The following ZFP30 variants were observed in gnomAD, a reference collection of about 807,000 sequenced individuals.
ZFP30 encodes ZFP30 zinc finger protein, also known as zinc finger protein 30 homolog.
Under a neutral mutation model 12.3 loss-of-function variants are expected in ZFP30, and 16 were observed. That is an observed-to-expected ratio of 1.30 (90% CI 0.88 to 1.98). The LOEUF (loss-of-function observed/expected upper bound fraction) is 1.98. Ranked by LOEUF, ZFP30 falls within the 30% of genes most tolerant of loss-of-function variation. ZFP30 has a pLI of 0.00. For missense variants in ZFP30, 560 were observed against 611.2 expected, an observed-to-expected ratio of 0.92 and a Z score of 0.88; for synonymous variants, 172 against 201.0, an observed-to-expected ratio of 0.86 and a Z score of 1.22.
chr19:37,641,294 T>A (rs2044430115), intron 5 of ZFP30, among the ~76,000 whole-genome samples: 2 of 152,238 alleles, frequency 1.3e-5, no homozygotes, highest in African/African-American at 4.8e-5. Flanking sequence ...TGTTCTAATA[T>A]TTCACATCGT....
In ZFP30 at chr19:37,633,252, CATT is replaced by C; in HGVS notation, c.*1726_*1728del. 2 of 151,796 alleles carry C rather than the reference CATT, an allele frequency of 1.3e-5. No homozygotes were observed. Among genetic ancestry groups the C allele is most frequent in the East Asian group, 3.9e-4 (2 of 5,160 alleles). 9.4% of individuals were successfully genotyped at this position (151,796 alleles called of 1,614,324 possible). On this transcript the variant is annotated 3_prime_UTR_variant, in exon 6 of 6. Coordinates refer to ENST00000684514, the MANE Select transcript of ZFP30 (RefSeq NM_001320669.3). Reference sequence around the variant, plus strand: ...GTCAACTAAATAAAATGTGGACCTACATTTTAACTTCCTGAATACATTATCGTC... The same window carrying C: ...GTCAACTAAATAAAATGTGGACCTACTTAACTTCCTGAATACATTATCGTC...
At position 37,644,597 on chromosome 19, in the gene ZFP30, A is replaced by G; in HGVS notation, c.136+13T>C. On this transcript the variant is annotated intron_variant, in intron 4 of 5. Coordinates refer to ENST00000684514, the MANE Select transcript of ZFP30 (RefSeq NM_001320669.3). ...AATGTCTAAATTATCTGACACAGAT[A>G]TGCTAGGCTTACCCAGTGACACCAA... 1 of 1,585,882 alleles carries G rather than the reference A, an allele frequency of 6.3e-7. No individual in the cohort carries two copies.
chr19:37,635,273 G>A lies in ZFP30; in HGVS notation c.1268C>T (p.Ser423Leu). Residue 423 changes from serine to leucine, a missense_variant, in exon 6 of 6, where the codon TCA becomes TTA. Ser to Leu is a moderately radical substitution (Grantham distance 145). Transcript: ENST00000684514. ...AATACTCTGATGTTGAGTAAGCTGT[G>A]AGAACAGCCTAAATGCCTTCCCACA... ...KECGKAFRLF[S>L]QLTQHQSIHF... The A allele has an allele frequency of 6.2e-7, 1 of 1,614,118 alleles. No individual in the cohort carries two copies. The highest frequency in any genetic ancestry group is 8.5e-7 in the Non-Finnish European group (1 of 1,179,992).
At chr19:37,651,903 AG>A (rs2044658647) in intron 2 of ZFP30, among the ~76,000 whole-genome samples, 1 of 152,124 alleles carries the variant, frequency 6.6e-6, no homozygotes, top group Non-Finnish European at 1.5e-5. Context: ...AGTTAAGGAA[AG>A]GAAAATATTC....
chr19:37,638,221 G>A (rs1397943258), intron 5 of ZFP30, among the ~76,000 whole-genome samples: 3 of 152,060 alleles, frequency 2.0e-5, no homozygotes, highest in Non-Finnish European at 2.9e-5. Context: ...CCCCTTTCAC[G>A]ACCAAGGTAA....
chr19:37,648,517 A>G (rs1302428936), intron 2 of ZFP30, among the ~76,000 whole-genome samples: 1 of 151,974 alleles, frequency 6.6e-6, no homozygotes, highest in East Asian at 1.9e-4. Context: ...GGTGCTTATA[A>G]TGGGCAGCAA....
chr19:37,642,774 G>A (rs1442020962), intron 5 of ZFP30, among the ~76,000 whole-genome samples: 1 of 152,104 alleles, frequency 6.6e-6, no homozygotes, highest in East Asian at 1.9e-4. Flanking sequence ...AAACGACTGA[G>A]GCCAGGCGCG....
intron 4 of ZFP30, among the ~76,000 whole-genome samples, chr19:37,643,888 T>C (rs1313790094): frequency 6.6e-6 from 1 of 152,244 alleles, no homozygotes; most frequent in Non-Finnish European, 1.5e-5. Flanking sequence ...ATATGTCTGT[T>C]GTAGGAAACT....
At chr19:37,636,380 T>C in intron 5 of ZFP30, 75 bp from the exon 6 acceptor site, 4 of 1,165,184 alleles carry the variant, frequency 3.4e-6, no homozygotes, top group Admixed American at 4.1e-5. Context: ...ATAATAGAAA[T>C]CGGTGACCAA....
At position 37,635,352 on chromosome 19, in the gene ZFP30, G is replaced by A. The variant is rs1463341170; in HGVS notation, c.1189C>T (p.Leu397Phe). 2.5e-6 allele frequency: 4 copies of A among 1,613,900 alleles called. No individual in the cohort carries two copies. Among genetic ancestry groups the A allele is most frequent in the Non-Finnish European group, 3.4e-6 (4 of 1,179,992 alleles). ...ATGTGAATACCCTGATGTGAAATAA[G>A]TTCTGAGTAACGACGAAAGAACTTC... Reference protein sequence around the residue: ...CQKFFRRYSELISHQGIHIGE... With the variant: ...CQKFFRRYSEFISHQGIHIGE... Residue 397 changes from leucine to phenylalanine, a missense_variant, in exon 6 of 6, where the codon CTT becomes TTT. Coordinates refer to ENST00000684514, the MANE Select transcript of ZFP30 (RefSeq NM_001320669.3).
At chr19:37,652,289 G>A (rs540352590) in intron 2 of ZFP30, among the ~76,000 whole-genome samples, 43 of 152,184 alleles carry the variant, frequency 2.8e-4, no homozygotes, top group African/African-American at 9.9e-4. Context: ...ACCACCAGCC[G>A]GGTACGGTGG....
chr19:37,649,078 CA>C (rs1301714805), intron 2 of ZFP30, among the ~76,000 whole-genome samples: 4 of 152,034 alleles, frequency 2.6e-5, no homozygotes, highest in Admixed American at 2.6e-4. Flanking sequence ...TCTCTAACAA[CA>C]AAAAAATTTT....
intron 2 of ZFP30, among the ~76,000 whole-genome samples, chr19:37,652,586 A>T (rs1194409122): frequency 6.6e-6 from 1 of 152,096 alleles, no homozygotes; most frequent in East Asian, 1.9e-4. Flanking sequence ...TAAATAAATA[A>T]ATAAAACCAC....
At chr19:37,643,386 T>A in intron 4 of ZFP30, 23 bp from the exon 5 acceptor site, 1 of 1,468,236 alleles carries the variant, frequency 6.8e-7, no homozygotes, top group Non-Finnish European at 9.1e-7. Flanking sequence ...TAATAGAATA[T>A]AATAAAGAAT....
In ZFP30 at chr19:37,631,514, A is replaced by G. The variant is rs2044232095; in HGVS notation, c.*3467T>C. On this transcript the variant is annotated 3_prime_UTR_variant, in exon 6 of 6. Coordinates refer to ENST00000684514, the MANE Select transcript of ZFP30 (RefSeq NM_001320669.3). ...AACATCATGGCTTCCCAATTATAAC[A>G]GCAAATACAGTTCATAATGGATGAC... 1 of 152,176 alleles carries G rather than the reference A, an allele frequency of 6.6e-6. No individual in the cohort carries two copies. 9.4% of individuals were successfully genotyped at this position (152,176 alleles called of 1,614,324 possible).
chr19:37,635,965 T>C lies in ZFP30; in HGVS notation c.576A>G (p.Gly192=), dbSNP rs368943865. 1.2e-6 allele frequency: 2 copies of C among 1,613,890 alleles called. No homozygotes were observed. The highest frequency in any genetic ancestry group is 2.7e-5 in the African/African-American group (2 of 74,878). ...GGTGGGCACACTGTCTAAAGGCTTTTCCACATTCTTTACATTCATAGGGTT... is the reference window on the plus strand; with the variant it reads ...GGTGGGCACACTGTCTAAAGGCTTTCCCACATTCTTTACATTCATAGGGTT... The part of the protein sequence containing the change: ...GEKPYECKEC[G]KAFRQCAHLS... Residue 192 remains glycine, a synonymous_variant, in exon 6 of 6, where the codon GGA becomes GGG. Transcript: ENST00000684514.
At chr19:37,636,468 C>G (rs1428461221) in intron 5 of ZFP30, among the ~76,000 whole-genome samples, 163 bp from the exon 6 acceptor site, 1 of 150,958 alleles carries the variant, frequency 6.6e-6, no homozygotes. Flanking sequence ...TTAAAAGAAG[C>G]TAAAAGGAAA....
At chr19:37,642,945 G>C (rs568597515) in intron 5 of ZFP30, among the ~76,000 whole-genome samples, 1 of 151,822 alleles carries the variant, frequency 6.6e-6, no homozygotes, top group East Asian at 1.9e-4. Context: ...CCCAGCTACT[G>C]GGGAGGCTGA....
intron 3 of ZFP30, among the ~76,000 whole-genome samples, chr19:37,645,546 ATAGTGTATC>A (rs1366852401): frequency 6.7e-6 from 1 of 149,772 alleles, no homozygotes; most frequent in African/African-American, 2.5e-5. Flanking sequence ...GGCCAGATTT[ATAGTGTATC>A]TAGTTTGCCC....
Sources: allele counts gnomAD v4.1 joint callset (sites outside exome capture counted in the v4.1 genomes callset), GRCh38; gene constraint gnomAD v4.1.1; transcripts MANE v1.5; gene names NCBI Gene and HGNC (gene_info 2026-07-23, HGNC 2026-07-21).